Variants in ELAPOR1 observed in about 807,000 individuals in gnomAD.
The protein encoded by ELAPOR1 is endosome-lysosome associated apoptosis and autophagy regulator 1.
ELAPOR1 carries 77 observed loss-of-function variants against 119.7 expected under a neutral mutation model. That is an observed-to-expected ratio of 0.64 (90% confidence interval 0.54 to 0.78). The LOEUF (loss-of-function observed/expected upper bound fraction) is 0.78, where lower values mean the gene tolerates loss of function less well. ELAPOR1 is among the 30% of genes least tolerant of loss of function. The pLI, the probability that ELAPOR1 is intolerant of heterozygous loss-of-function variation, is 0.00. For missense variants in ELAPOR1, 1,115 were observed against 1,270.4 expected (o/e 0.88, Z 1.86); for synonymous variants, 481 against 487.2 (o/e 0.99, Z 0.17).
At chr1:109,183,549 T>TTTCCTTCCTTCC (rs1187192136) in intron 7 of ELAPOR1, among the ~76,000 whole-genome samples, 8 of 81,118 alleles carry the variant, frequency 9.9e-5, no homozygotes, top group African/African-American at 3.5e-4. Flanking sequence ...CTTTCTTTCT[T>TTTCCTTCCTTCC]TTCCTTCCTT....
chr1:109,139,362 A>C (rs113295146), intron 1 of ELAPOR1, among the ~76,000 whole-genome samples: 5,436 of 152,132 alleles, frequency 0.036, 338 homozygotes, highest in African/African-American at 0.12. Flanking sequence ...ATAAATAAAA[A>C]TAAAATAAAT....
At chr1:109,121,385 G>T (rs899550594) in intron 1 of ELAPOR1, among the ~76,000 whole-genome samples, 3 of 152,184 alleles carry the variant, frequency 2.0e-5, no homozygotes, top group Non-Finnish European at 2.9e-5. Flanking sequence ...GACCTCGGGT[G>T]ATCCACCCCC....
chr1:109,125,048 C>T (rs1235475836), intron 1 of ELAPOR1, among the ~76,000 whole-genome samples: 1 of 152,156 alleles, frequency 6.6e-6, no homozygotes, highest in African/African-American at 2.4e-5. Flanking sequence ...CCTGCCTCAG[C>T]CTCCTGAGTA....
intron 1 of ELAPOR1, among the ~76,000 whole-genome samples, chr1:109,130,278 T>C (rs529313847): frequency 5.0e-4 from 76 of 152,272 alleles, no homozygotes; most frequent in African/African-American, 1.7e-3. Context: ...GCACGTAGTA[T>C]AGACTCAATA....
chr1:109,150,651 T>C (rs1222074574), intron 1 of ELAPOR1, among the ~76,000 whole-genome samples: 5 of 152,230 alleles, frequency 3.3e-5, no homozygotes, highest in African/African-American at 1.2e-4. Context: ...ATTTTTGGTG[T>C]GTGAAATTTT....
chr1:109,147,564 T>C (rs2101012206), intron 1 of ELAPOR1, among the ~76,000 whole-genome samples: 1 of 152,298 alleles, frequency 6.6e-6, no homozygotes, highest in East Asian at 1.9e-4. Flanking sequence ...TCCAAACTTA[T>C]AGAATGTGCA....
At chr1:109,173,610 G>A in intron 6 of ELAPOR1, 31 bp downstream of exon 6, 1 of 1,613,260 alleles carries the variant, frequency 6.2e-7, no homozygotes, top group South Asian at 1.1e-5. Context: ...GACTTCCTGG[G>A]CTGTTGACTT....
At chr1:109,148,655 C>T (rs1213272417) in intron 1 of ELAPOR1, among the ~76,000 whole-genome samples, 2 of 152,196 alleles carry the variant, frequency 1.3e-5, no homozygotes, top group African/African-American at 2.4e-5. Flanking sequence ...CCGCCAGGTT[C>T]TCTCCATCAC....
Position 109,127,222 on chromosome 1 carries a change from T to C in ELAPOR1, c.153+12886T>C, listed in dbSNP as rs574995650. Among the ~76,000 whole-genome samples the C allele has an allele frequency of 4.0e-5, 6 of 150,542 alleles. No individual in the cohort carries two copies. In the East Asian group the frequency reaches 9.7e-4, roughly 24 times the overall value. On this transcript the variant is annotated intron_variant, in intron 1 of 21. Coordinates refer to ENST00000369939, the MANE Select transcript of ELAPOR1 (RefSeq NM_020775.5). ...AATTCTTTTTTTTCTTTTCTTTTTT[T>C]TTTTTTTTTTTAAGATGGAGTCTTG...
chr1:109,133,212 A>G (rs1558021602), intron 1 of ELAPOR1, among the ~76,000 whole-genome samples: 1 of 152,206 alleles, frequency 6.6e-6, no homozygotes, highest in Non-Finnish European at 1.5e-5. Flanking sequence ...CCTGAGTGAC[A>G]GAGCAAGACC....
rs1305769122 is a variant in ELAPOR1 at position 109,203,683 on chromosome 1, T to C, written c.*671T>C. 1 of 151,792 alleles carries C rather than the reference T, an allele frequency of 6.6e-6. No homozygotes were observed. Among genetic ancestry groups the C allele is most frequent in the African/African-American group, 2.4e-5 (1 of 41,290 alleles). The allele number at this position is 151,792 out of a possible 1,614,324, so 9.4% of individuals were successfully genotyped here. A position where few individuals can be genotyped will look rare whatever the true frequency, so the allele number is the denominator to read the frequency against. On this transcript the variant is annotated 3_prime_UTR_variant, in exon 22 of 22. Coordinates refer to ENST00000369939, the MANE Select transcript of ELAPOR1 (RefSeq NM_020775.5). ...TGAGGTCGGGAGATTGAGACCATCC[T>C]GGCTAACACGGTGAAACCCCGTCTC...
chr1:109,197,899 G>A, intron 16 of ELAPOR1, 80 bp from the exon 17 acceptor site: 1 of 1,250,318 alleles, frequency 8.0e-7, no homozygotes, highest in Non-Finnish European at 1.2e-6. Flanking sequence ...GAGGTTGGAT[G>A]TTGACAGGTA....
At position 109,203,046 on chromosome 1, in the gene ELAPOR1, TGC is replaced by T; in HGVS notation, c.*35_*36del. ...GCCTGCCTCACCTGCCTCCTCACCT[TGC>T]ATAGCACCTTTGCAAGCCTGCGGCG... On this transcript the variant is annotated 3_prime_UTR_variant, in exon 22 of 22. Coordinates refer to ENST00000369939, the MANE Select transcript of ELAPOR1 (RefSeq NM_020775.5). The T allele has an allele frequency of 6.8e-7, 1 of 1,476,934 alleles. No individual in the cohort carries two copies. Among genetic ancestry groups the T allele is most frequent in the Non-Finnish European group, 9.4e-7 (1 of 1,060,702 alleles). 91.5% of individuals were successfully genotyped at this position (1,476,934 alleles called of 1,614,324 possible).
chr1:109,169,441 T>C (rs769336571), intron 3 of ELAPOR1, among the ~76,000 whole-genome samples: 2 of 152,032 alleles, frequency 1.3e-5, no homozygotes, highest in African/African-American at 2.4e-5. Flanking sequence ...GGTTTCACCA[T>C]GTTGGTCAGG....
chr1:109,179,409 CAAAAAAAAAAAA>C (rs773712424), intron 7 of ELAPOR1, among the ~76,000 whole-genome samples: 2 of 50,450 alleles, frequency 4.0e-5, no homozygotes, highest in East Asian at 1.1e-3. Flanking sequence ...ACTCTGTCTC[CAAAAAAAAAAAA>C]AAAAAAAAGA....
chr1:109,128,553 C>T (rs1428488876), intron 1 of ELAPOR1, among the ~76,000 whole-genome samples: 1 of 152,176 alleles, frequency 6.6e-6, no homozygotes, highest in Admixed American at 6.5e-5. Flanking sequence ...GTCATCCAGT[C>T]CCAAGGCATC....
intron 8 of ELAPOR1, chr1:109,186,708 A>G (rs567556154): frequency 7.5e-5 from 74 of 985,386 alleles, no homozygotes; most frequent in Non-Finnish European, 8.3e-5. Context: ...AAAGGCAGAC[A>G]ATTAATCCTG....
At chr1:109,150,480 G>C (rs489369) in intron 1 of ELAPOR1, among the ~76,000 whole-genome samples, 99,164 of 152,032 alleles carry the variant, frequency 0.65, 32,944 homozygotes, top group East Asian at 0.91. Flanking sequence ...CTGCTGCTGG[G>C]TCTGGTGCTT....
chr1:109,132,961 G>T (rs552000900), intron 1 of ELAPOR1, among the ~76,000 whole-genome samples: 4 of 152,204 alleles, frequency 2.6e-5, no homozygotes, highest in African/African-American at 9.6e-5. Context: ...CAGGTATGGT[G>T]GTTCATGCCT....
Sources: gnomAD v4.1 joint callset for allele counts (sites outside exome capture counted in the v4.1 genomes callset) on GRCh38, gnomAD v4.1.1 for gene constraint, MANE v1.5 for transcripts, NCBI Gene and HGNC (gene_info 2026-07-23, HGNC 2026-07-21) for gene names.